Variants in HPSE2 observed in about 807,000 individuals in gnomAD.
HPSE2 encodes inactive heparanase-2.
HPSE2 carries 38 observed loss-of-function variants against 60.5 expected under a neutral mutation model. The observed-to-expected ratio is 0.63, with a 90% CI of 0.48 to 0.82. The LOEUF (loss-of-function observed/expected upper bound fraction) is 0.82, where lower values mean the gene tolerates loss of function less well. HPSE2 is among the 40% of genes least tolerant of loss of function. The pLI, the probability that HPSE2 is intolerant of heterozygous loss-of-function variation, is 0.00. For synonymous variants in HPSE2, 295 were observed against 293.2 expected (o/e 1.01, Z -0.06); for missense variants, 713 against 740.4 (o/e 0.96, Z 0.43).
chr10:98,584,568 T>C (rs1396998770), intron 9 of HPSE2, among the ~76,000 whole-genome samples: 1 of 152,196 alleles, frequency 6.6e-6, no homozygotes, highest in Non-Finnish European at 1.5e-5. Flanking sequence ...TCAAGTCTCC[T>C]TTGAACTCCT....
At chr10:98,659,119 A>G (rs188460318) in intron 6 of HPSE2, among the ~76,000 whole-genome samples, 3 of 152,210 alleles carry the variant, frequency 2.0e-5, no homozygotes, top group African/African-American at 7.2e-5. Context: ...GAACCTGGAA[A>G]CTACTAATCA....
chr10:99,154,559 T>G (rs1481968959), intron 2 of HPSE2, among the ~76,000 whole-genome samples: 2 of 148,622 alleles, frequency 1.3e-5, no homozygotes, highest in African/African-American at 5.0e-5. Flanking sequence ...TGCTGAGAGA[T>G]TTTGTCACCA....
intron 9 of HPSE2, among the ~76,000 whole-genome samples, chr10:98,502,086 T>A (rs563195379): frequency 3.3e-5 from 5 of 152,186 alleles, no homozygotes; most frequent in African/African-American, 9.7e-5. Context: ...TACTCATGGA[T>A]GGGTAGAGTC....
intron 3 of HPSE2, among the ~76,000 whole-genome samples, chr10:98,759,641 A>G (rs955984792): frequency 6.6e-6 from 1 of 152,082 alleles, no homozygotes; most frequent in African/African-American, 2.4e-5. Flanking sequence ...GTTCTGTTAC[A>G]TTGATCTATA....
intron 7 of HPSE2, among the ~76,000 whole-genome samples, chr10:98,627,306 TC>T (rs1946244064): frequency 6.6e-6 from 1 of 151,990 alleles, no homozygotes; most frequent in East Asian, 1.9e-4. Context: ...ATTCCTTGTC[TC>T]AAAAAAGAAA....
chr10:99,167,305 G>A (rs1034027826), intron 2 of HPSE2, among the ~76,000 whole-genome samples: 4 of 152,036 alleles, frequency 2.6e-5, no homozygotes, highest in African/African-American at 9.7e-5. Context: ...CACCGTGCCC[G>A]GCCCATACTT....
chr10:99,162,737 G>A (rs1846893328), intron 2 of HPSE2, among the ~76,000 whole-genome samples: 1 of 151,776 alleles, frequency 6.6e-6, no homozygotes, highest in Admixed American at 6.6e-5. Context: ...CTTTTTCCCT[G>A]CCCCTTCAGT....
Position 99,081,667 on chromosome 10 carries a change from C to T in HPSE2, c.610+62571G>A, listed in dbSNP as rs564253786. On this transcript the variant is annotated intron_variant, in intron 3 of 11. Transcript: ENST00000370552. ...ATTTTTTTTTTTAAAGACGGAATCTCGCTCTGTCACCCAGGCTGGAGTGCA... is the reference window on the plus strand; with the variant it reads ...ATTTTTTTTTTTAAAGACGGAATCTTGCTCTGTCACCCAGGCTGGAGTGCA... 5.9e-5 allele frequency among the ~76,000 whole-genome samples: 9 copies of T among 151,592 alleles called. No homozygotes were observed. In the East Asian group the frequency reaches 1.4e-3, roughly 23 times the overall value.
intron 3 of HPSE2, among the ~76,000 whole-genome samples, chr10:99,102,900 G>A (rs984990298): frequency 6.6e-6 from 1 of 152,164 alleles, no homozygotes; most frequent in Non-Finnish European, 1.5e-5. Context: ...TATCTCAACA[G>A]ATGCAGAAAA....
intron 3 of HPSE2, among the ~76,000 whole-genome samples, chr10:99,059,124 TC>T (rs1958178605): frequency 6.6e-6 from 1 of 152,232 alleles, no homozygotes; most frequent in South Asian, 2.1e-4. Context: ...TTAAAACCAT[TC>T]TCAGTTTGCA....
intron 3 of HPSE2, among the ~76,000 whole-genome samples, chr10:99,140,732 T>C (rs1349432315): frequency 6.6e-6 from 1 of 152,142 alleles, no homozygotes; most frequent in Non-Finnish European, 1.5e-5. Flanking sequence ...TACACGTCAA[T>C]ATTATACCTA....
chr10:98,528,495 G>GCTTT (rs1306047979), intron 9 of HPSE2, among the ~76,000 whole-genome samples: 1 of 152,150 alleles, frequency 6.6e-6, no homozygotes, highest in Non-Finnish European at 1.5e-5. Context: ...GATGGATGAT[G>GCTTT]CTTTGATCAA....
At chr10:99,002,311 T>C (rs1263196850) in intron 3 of HPSE2, among the ~76,000 whole-genome samples, 2 of 152,038 alleles carry the variant, frequency 1.3e-5, no homozygotes, top group Non-Finnish European at 2.9e-5. Context: ...GGAGCATAAC[T>C]CTCCACTCTT....
At chr10:98,578,091 C>T (rs1944691170) in intron 9 of HPSE2, among the ~76,000 whole-genome samples, 1 of 152,152 alleles carries the variant, frequency 6.6e-6, no homozygotes, top group African/African-American at 2.4e-5. Flanking sequence ...TCAGAGTCTG[C>T]TTCTCAAGCT....
chr10:99,021,677 T>C (rs1957266317), intron 3 of HPSE2, among the ~76,000 whole-genome samples: 1 of 152,178 alleles, frequency 6.6e-6, no homozygotes, highest in East Asian at 1.9e-4. Flanking sequence ...TCCTTTCCAA[T>C]TTCTTCTCTG....
chr10:98,882,341 T>C (rs1191246734), intron 3 of HPSE2, among the ~76,000 whole-genome samples: 1 of 152,046 alleles, frequency 6.6e-6, no homozygotes, highest in Non-Finnish European at 1.5e-5. Context: ...GTGGCAATAA[T>C]TGATTAATAT....
intron 3 of HPSE2, among the ~76,000 whole-genome samples, chr10:98,815,321 C>T (rs138888287): frequency 6.6e-6 from 1 of 152,266 alleles, no homozygotes; most frequent in African/African-American, 2.4e-5. Context: ...GTTGTCAAGA[C>T]AGGCAGTATA....
chr10:98,937,730 A>G (rs1430360255), intron 3 of HPSE2, among the ~76,000 whole-genome samples: 1 of 141,290 alleles, frequency 7.1e-6, no homozygotes, highest in Non-Finnish European at 1.5e-5. Context: ...CTTTGAAGAG[A>G]GCAGTGGTTC....
chr10:98,807,708 C>T (rs544295882), intron 3 of HPSE2, among the ~76,000 whole-genome samples: 1 of 152,202 alleles, frequency 6.6e-6, no homozygotes, highest in African/African-American at 2.4e-5. Context: ...CAAGGTAGGA[C>T]ATTTAAACCG....
Sources: allele counts gnomAD v4.1 joint callset (sites outside exome capture counted in the v4.1 genomes callset), GRCh38; gene constraint gnomAD v4.1.1; transcripts MANE v1.5; gene names NCBI Gene and HGNC (gene_info 2026-07-23, HGNC 2026-07-21).